HERC1: variants seen among roughly 807,000 people sequenced by gnomAD.
HERC1 encodes probable E3 ubiquitin-protein ligase HERC1.
HERC1 carries 160 observed loss-of-function variants against 554.3 expected under a neutral mutation model. The ratio of observed to expected loss-of-function variants is 0.29; its 90% CI spans 0.25 to 0.33. The LOEUF (loss-of-function observed/expected upper bound fraction) is 0.33, where lower values mean the gene tolerates loss of function less well. Ranked by LOEUF, HERC1 falls within the 10% of genes least tolerant of loss-of-function variation. The probability of loss-of-function intolerance (pLI) is 1.00; values close to 1 mark genes in which losing one functional copy is unlikely to be tolerated. For synonymous variants in HERC1, 2,175 were observed against 2,131.7 expected (o/e 1.02, Z -0.56); for missense variants, 4,919 against 5,918.5 (o/e 0.83, Z 5.54).
At chr15:63,774,328 C>T (rs8037083) in intron 2 of HERC1, among the ~76,000 whole-genome samples, 121,181 of 152,168 alleles carry the variant, frequency 0.8, 50,023 homozygotes, top group Non-Finnish European at 0.87. Context: ...AAATGTTTAA[C>T]ATAAATTGGG....
At chr15:63,667,017 G>A (rs1334617028) in intron 40 of HERC1, among the ~76,000 whole-genome samples, 2 of 152,162 alleles carry the variant, frequency 1.3e-5, no homozygotes, top group African/African-American at 4.8e-5. Flanking sequence ...GTGCTAAAGT[G>A]CTGTCTAGTG....
Position 63,718,388 on chromosome 15 carries a change from G to T in HERC1, c.3978+186C>A. On this transcript the variant is annotated intron_variant, in intron 21 of 77. Transcript: ENST00000443617. The surrounding 1 kb of genome is among the most constrained non-coding windows in gnomAD (Gnocchi z 4.2). ...GTTTCTTAGAACCAATATCACACTTGGTAAATGTGAGGTTAAGTAAATCTC... is the reference window on the plus strand; with the variant it reads ...GTTTCTTAGAACCAATATCACACTTTGTAAATGTGAGGTTAAGTAAATCTC... 1.9e-6 allele frequency: 1 copy of T among 517,994 alleles called. No individual in the cohort carries two copies. The highest frequency in any genetic ancestry group is 3.3e-6 in the Non-Finnish European group (1 of 305,200). 32.1% of individuals were successfully genotyped at this position (517,994 alleles called of 1,614,324 possible). A position where few individuals can be genotyped will look rare whatever the true frequency, so the allele number is the denominator to read the frequency against.
chr15:63,716,824 G>T (rs1311178109), intron 21 of HERC1, among the ~76,000 whole-genome samples: 1 of 152,160 alleles, frequency 6.6e-6, no homozygotes, highest in Non-Finnish European at 1.5e-5. Flanking sequence ...TTAAGGCAGA[G>T]AATTTTTATT....
chr15:63,620,212 T>A (rs889700601), intron 74 of HERC1, among the ~76,000 whole-genome samples: 4 of 152,234 alleles, frequency 2.6e-5, no homozygotes, highest in Non-Finnish European at 5.9e-5. Context: ...CTCGTTGGTT[T>A]CAAAGAACAT....
intron 33 of HERC1, among the ~76,000 whole-genome samples, chr15:63,687,262 A>G (rs62014214): frequency 0.16 from 24,697 of 152,188 alleles, 2,336 homozygotes; most frequent in Middle Eastern, 0.21. Context: ...TGAGGGGGCC[A>G]GGTGTGGTGG....
intron 12 of HERC1, among the ~76,000 whole-genome samples, chr15:63,744,162 GTGTC>G (rs1332395951): frequency 2.6e-3 from 94 of 35,736 alleles, no homozygotes; most frequent in Non-Finnish European, 6.0e-3. Context: ...GTGTGTGTGT[GTGTC>G]TCTCTCTCTC....
intron 11 of HERC1, 31 bp from the exon 12 acceptor site, chr15:63,747,114 G>C (rs539645760): frequency 6.4e-7 from 1 of 1,573,078 alleles, no homozygotes. Flanking sequence ...ATGAATTCTC[G>C]GATCATAAAA....
intron 1 of HERC1, among the ~76,000 whole-genome samples, chr15:63,788,246 C>CA (rs1205258435): frequency 6.6e-6 from 1 of 152,140 alleles, no homozygotes; most frequent in East Asian, 1.9e-4. Context: ...CTGCACCTAA[C>CA]ACAGCATCTG....
chr15:63,654,428 C>T, intron 50 of HERC1, 104 bp from the exon 51 acceptor site: 1 of 831,894 alleles, frequency 1.2e-6, no homozygotes, highest in Non-Finnish European at 1.9e-6. Flanking sequence ...TGGTGGTGAA[C>T]AAGCAAATGG....
At chr15:63,689,516 C>T (rs2071983002) in intron 33 of HERC1, 73 bp downstream of exon 33, 8 of 776,562 alleles carry the variant, frequency 1.0e-5, no homozygotes, top group Non-Finnish European at 1.7e-5. Flanking sequence ...CTCAGAGGAA[C>T]AGGCATTCAG....
chr15:63,753,934 G>A (rs1359323049), intron 7 of HERC1, among the ~76,000 whole-genome samples: 2 of 152,120 alleles, frequency 1.3e-5, no homozygotes, highest in African/African-American at 4.8e-5. Flanking sequence ...AGCACTTTGG[G>A]AGACTAAATC....
At chr15:63,741,302 C>G (rs1005706516) in intron 12 of HERC1, among the ~76,000 whole-genome samples, 1 of 151,554 alleles carries the variant, frequency 6.6e-6, no homozygotes, top group African/African-American at 2.4e-5. Flanking sequence ...GCTGGGATTA[C>G]AGGCGTGAGC....
At chr15:63,675,302 G>A (rs1267110810) in intron 37 of HERC1, 185 bp from the exon 38 acceptor site, 3 of 492,020 alleles carry the variant, frequency 6.1e-6, no homozygotes, top group Non-Finnish European at 1.1e-5. Flanking sequence ...ATGGGGAGAT[G>A]TGATACTAAA....
chr15:63,719,989 A>G (rs972199171), intron 19 of HERC1, among the ~76,000 whole-genome samples: 2 of 152,080 alleles, frequency 1.3e-5, no homozygotes, highest in African/African-American at 2.4e-5. Flanking sequence ...ATACAAGTAC[A>G]TTTAAGTGGG....
At chr15:63,751,516 G>T (rs1021289975) in intron 8 of HERC1, among the ~76,000 whole-genome samples, 1 of 152,084 alleles carries the variant, frequency 6.6e-6, no homozygotes, top group African/African-American at 2.4e-5. Flanking sequence ...CTCTTGCAGC[G>T]TTCCTTCGGT....
At chr15:63,777,589 C>T (rs925900138) in intron 1 of HERC1, among the ~76,000 whole-genome samples, 1 of 152,172 alleles carries the variant, frequency 6.6e-6, no homozygotes, top group African/African-American at 2.4e-5. Flanking sequence ...TTCATGCATT[C>T]TCCTATTTTG....
chr15:63,719,578 G>C (rs1325712458), intron 19 of HERC1, among the ~76,000 whole-genome samples: 2 of 152,262 alleles, frequency 1.3e-5, no homozygotes, highest in Admixed American at 6.5e-5. Context: ...ACTCTGCTGA[G>C]TGGAGAACTG....
At chr15:63,639,620 T>C (rs189995664) in intron 61 of HERC1, among the ~76,000 whole-genome samples, 1 of 152,378 alleles carries the variant, frequency 6.6e-6, no homozygotes, top group African/African-American at 2.4e-5. Flanking sequence ...ATCTTAAGTA[T>C]ACAAAGAGGT....
intron 42 of HERC1, 141 bp downstream of exon 42, chr15:63,665,778 G>T: frequency 1.7e-6 from 1 of 595,114 alleles, no homozygotes; most frequent in Non-Finnish European, 2.8e-6. Context: ...ATATAAACTT[G>T]TAACTAAAAT....
Sources: allele counts gnomAD v4.1 joint callset (sites outside exome capture counted in the v4.1 genomes callset), GRCh38; gene constraint gnomAD v4.1.1; non-coding constraint Gnocchi (gnomAD v3.1); transcripts MANE v1.5; gene names NCBI Gene and HGNC (gene_info 2026-07-23, HGNC 2026-07-21).